The following GOLGA4 variants were observed in gnomAD, a reference collection of about 807,000 sequenced individuals.
GOLGA4 encodes golgin A4, also known as golgin subfamily A member 4.
A neutral mutation model predicts 265.9 loss-of-function variants in GOLGA4; 169 were observed. The observed-to-expected ratio is 0.64, with a 90% confidence interval of 0.56 to 0.72. The LOEUF is 0.72. Ranked by LOEUF, GOLGA4 falls within the 30% of genes least tolerant of loss-of-function variation. The probability of loss-of-function intolerance (pLI) is 0.00; values close to 1 mark genes in which losing one functional copy is unlikely to be tolerated. For synonymous variants in GOLGA4, 923 were observed against 855.8 expected (o/e 1.08, Z -1.37); for missense variants, 2,482 against 2,483.4 (o/e 1.00, Z 0.01).
rs1000313070 is a variant in GOLGA4 at position 37,355,116 on chromosome 3, A to G, written c.6592A>G (p.Ile2198Val). The change falls in exon 22 of 24, where the codon ATA (isoleucine) becomes GTA (valine). Residue 2198 changes from isoleucine (I) to valine (V), a missense_variant. By Grantham distance (29) the Ile-to-Val change is conservative. This residue lies in a region of GOLGA4 where 942 missense variants were observed against 983.1 expected (regional missense o/e 0.96). Coordinates refer to ENST00000361924, the MANE Select transcript of GOLGA4 (RefSeq NM_002078.5). ...TTTCTTGTAGACCATGGCAAAAGTT[A>G]TAACCACCGTACTGAAGTTCCCTGA... ...GRETKTMAKV[I>V]TTVLKFPDDQ... 26 of 1,601,864 alleles carry G rather than the reference A, an allele frequency of 1.6e-5. No individual in the cohort carries two copies. In the Admixed American group the frequency reaches 3.3e-4, roughly 21 times the overall value.
intron 2 of GOLGA4, among the ~76,000 whole-genome samples, chr3:37,271,390 A>C (rs779006708): frequency 2.0e-5 from 3 of 152,196 alleles, no homozygotes; most frequent in Non-Finnish European, 2.9e-5. Flanking sequence ...AACTTTAAGG[A>C]AATGTCTTAG....
At chr3:37,335,599 G>T (rs1373143723) in intron 17 of GOLGA4, among the ~76,000 whole-genome samples, 2 of 152,134 alleles carry the variant, frequency 1.3e-5, no homozygotes, top group African/African-American at 2.4e-5. Context: ...ATCCTTAGTT[G>T]TAGTCACATA....
chr3:37,254,444 TTTTG>T (rs1402000359), intron 2 of GOLGA4, among the ~76,000 whole-genome samples: 10 of 152,252 alleles, frequency 6.6e-5, no homozygotes, highest in South Asian at 4.1e-4. Flanking sequence ...ATAAAGGTTT[TTTTG>T]TTTGTTTTTT....
chr3:37,343,535 C>G (rs1032268478), intron 20 of GOLGA4, among the ~76,000 whole-genome samples: 1 of 152,200 alleles, frequency 6.6e-6, no homozygotes, highest in African/African-American at 2.4e-5. Flanking sequence ...TGGTTTTGAA[C>G]TCCTGAGCCA....
At chr3:37,299,477 T>C (rs1215828719) in intron 9 of GOLGA4, 106 bp downstream of exon 9, 2 of 661,734 alleles carry the variant, frequency 3.0e-6, no homozygotes, top group Non-Finnish European at 5.2e-6. Context: ...CTAAAAATTA[T>C]TGCAGCTTTT....
intron 6 of GOLGA4, 80 bp from the exon 7 acceptor site, chr3:37,296,006 TC>T: frequency 7.9e-7 from 1 of 1,267,144 alleles, no homozygotes; most frequent in Non-Finnish European, 1.1e-6. Context: ...CTGGAACCAA[TC>T]CCCCACAGAT....
chr3:37,363,563 C>T (rs951648996), intron 23 of GOLGA4, among the ~76,000 whole-genome samples: 5 of 152,174 alleles, frequency 3.3e-5, no homozygotes, highest in Non-Finnish European at 5.9e-5. Flanking sequence ...TTATATTATT[C>T]CCCATTTGTA....
At chr3:37,273,675 C>T in intron 2 of GOLGA4, 1 of 773,538 alleles carries the variant, frequency 1.3e-6, no homozygotes, top group Non-Finnish European at 2.2e-6. Flanking sequence ...TAATTATTAG[C>T]ATCTGACTTT....
chr3:37,289,884 A>G (rs778324973), intron 5 of GOLGA4, among the ~76,000 whole-genome samples: 12 of 152,242 alleles, frequency 7.9e-5, no homozygotes, highest in South Asian at 4.1e-4. Flanking sequence ...CAACAATTGC[A>G]TATTTTACTG....
chr3:37,289,557 CTGGGTTCTTCTGTTA>C (rs747369789), intron 5 of GOLGA4, among the ~76,000 whole-genome samples: 5 of 152,186 alleles, frequency 3.3e-5, no homozygotes, highest in Non-Finnish European at 7.3e-5. Flanking sequence ...CAAGGGTTAA[CTGGGTTCTTCTGTTA>C]TGTATTTCAG....
rs554982889 is a variant in GOLGA4, at chr3:37,299,386, C to T, written c.1086+15C>T. On this transcript the variant is annotated intron_variant, in intron 9 of 23. Transcript: ENST00000361924. Reference sequence around the variant, plus strand: ...AACAAGATAAGGTAAAACAACAAAACCTATGATACTAAAATTTGTCAAGAG... The same window carrying T: ...AACAAGATAAGGTAAAACAACAAAATCTATGATACTAAAATTTGTCAAGAG... 8.4e-6 allele frequency: 13 copies of T among 1,541,400 alleles called. No individual in the cohort carries two copies. In the South Asian group the frequency reaches 1.4e-4, roughly 16 times the overall value.
chr3:37,296,939 C>T (rs180696820), intron 7 of GOLGA4, among the ~76,000 whole-genome samples: 45 of 152,162 alleles, frequency 3.0e-4, no homozygotes, highest in African/African-American at 1.0e-3. Context: ...AATTGAAATT[C>T]ATTTATTATG....
chr3:37,346,219 T>C (rs1260807888), intron 20 of GOLGA4, among the ~76,000 whole-genome samples: 2 of 152,208 alleles, frequency 1.3e-5, no homozygotes, highest in Non-Finnish European at 1.5e-5. Context: ...ATGTAATGTA[T>C]GGAGGCTATT....
chr3:37,259,555 CT>C (rs2150657624), intron 2 of GOLGA4, among the ~76,000 whole-genome samples: 2 of 152,286 alleles, frequency 1.3e-5, no homozygotes, highest in East Asian at 3.9e-4. Flanking sequence ...TATGAGTCTT[CT>C]TTTTTCCCCT....
intron 2 of GOLGA4, among the ~76,000 whole-genome samples, chr3:37,257,005 A>G (rs999831127): frequency 1.1e-4 from 16 of 152,176 alleles, no homozygotes; most frequent in African/African-American, 3.6e-4. Flanking sequence ...TTGTACATTC[A>G]TCACATCTAT....
rs1330930858 is a variant in GOLGA4, at chr3:37,324,463, C to T, written c.2577C>T (p.His859=). 4 of 1,613,974 alleles carry T rather than the reference C, an allele frequency of 2.5e-6. No individual in the cohort carries two copies. In the Admixed American group the frequency reaches 6.7e-5, roughly 27 times the overall value. The stretch of plus-strand genomic sequence containing the variant: ...ATGTTTGTACTGAGTTAGATGCTCA[C>T]AAAATCCAGGTGCAGGACTTAATGC... ...KKDVCTELDA[H]KIQVQDLMQQ... is the part of the protein sequence containing the mutation. The change falls in exon 14 of 24, where the codon CAC becomes CAT. Residue 859 remains histidine (H), a synonymous_variant. Coordinates refer to ENST00000361924, the MANE Select transcript of GOLGA4 (RefSeq NM_002078.5).
At chr3:37,296,326 G>A (rs916392165) in intron 7 of GOLGA4, 107 bp downstream of exon 7, 39 of 1,099,976 alleles carry the variant, frequency 3.5e-5, no homozygotes, top group Non-Finnish European at 4.3e-5. Flanking sequence ...TGGGAGGATC[G>A]CTTGAGTTCA....
At position 37,265,775 on chromosome 3, in the gene GOLGA4, T is replaced by C. The variant is rs560271314; in HGVS notation, c.162+14291T>C. ...ATTTTAGGCCGGTTGTGCTGGCTTA[T>C]GCCTGTAATCCTAGTACTTGGGAGG... On this transcript the variant is annotated intron_variant, in intron 2 of 23. Coordinates refer to ENST00000361924, the MANE Select transcript of GOLGA4 (RefSeq NM_002078.5). Among the ~76,000 whole-genome samples, 13 of 152,230 alleles carry C rather than the reference T, an allele frequency of 8.5e-5. No individual in the cohort carries two copies. In the South Asian group the frequency reaches 2.3e-3, roughly 27 times the overall value.
At chr3:37,261,083 AT>A (rs1042320941) in intron 2 of GOLGA4, among the ~76,000 whole-genome samples, 4 of 151,606 alleles carry the variant, frequency 2.6e-5, no homozygotes, top group African/African-American at 7.3e-5. Context: ...AAGTAGGAAG[AT>A]TTTTTGATCC....
Sources: gnomAD v4.1 joint callset for allele counts (sites outside exome capture counted in the v4.1 genomes callset) on GRCh38, gnomAD v4.1.1 for gene constraint, gnomAD v4.1.1 regional missense constraint, MANE v1.5 for transcripts, NCBI Gene and HGNC (gene_info 2026-07-23, HGNC 2026-07-21) for gene names.